PDE4D: variants seen among roughly 807,000 people sequenced by gnomAD.
PDE4D encodes the protein phosphodiesterase 4D.
PDE4D carries 24 observed loss-of-function variants against 87.4 expected under a neutral mutation model. That is an observed-to-expected ratio of 0.27 (90% CI 0.20 to 0.39). The LOEUF is 0.39. PDE4D is among the 10% of genes least tolerant of loss of function. The probability of loss-of-function intolerance (pLI) is 1.00; values close to 1 mark genes in which losing one functional copy is unlikely to be tolerated. For missense variants in PDE4D, 714 were observed against 1,041.0 expected (o/e 0.69, Z 4.32); for synonymous variants, 384 against 383.2 (o/e 1.00, Z -0.02).
At chr5:59,901,992 G>A (rs1581668111) in intron 3 of PDE4D, among the ~76,000 whole-genome samples, 3 of 147,058 alleles carry the variant, frequency 2.0e-5, no homozygotes, top group African/African-American at 7.5e-5. Flanking sequence ...ACATGCACCA[G>A]ACTGTTCATA....
chr5:60,381,212 G>A (rs1761833164), intron 1 of PDE4D, among the ~76,000 whole-genome samples: 6 of 152,164 alleles, frequency 3.9e-5, no homozygotes. Context: ...GCTGAGGTAA[G>A]TCATACAGGT....
intron 3 of PDE4D, among the ~76,000 whole-genome samples, chr5:59,971,382 A>ATAAATAAATAAATAAAT (rs56736794): frequency 6.6e-6 from 1 of 150,514 alleles, no homozygotes; most frequent in Admixed American, 6.6e-5. Context: ...AAATAAATAA[A>ATAAATAAATAAATAAAT]AAAGAGAGAG....
intron 1 of PDE4D, among the ~76,000 whole-genome samples, chr5:59,731,790 T>C (rs1757394075): frequency 6.6e-6 from 1 of 152,304 alleles, no homozygotes; most frequent in South Asian, 2.1e-4. Context: ...TTAAAGTAAA[T>C]ATACACAAAT....
intron 1 of PDE4D, among the ~76,000 whole-genome samples, chr5:59,814,220 G>A (rs1768713605): frequency 6.6e-6 from 1 of 152,050 alleles, no homozygotes; most frequent in Admixed American, 6.5e-5. Context: ...AAGCTTTATT[G>A]GGACACAACC....
At chr5:60,112,981 CA>C (rs1314356137) in intron 2 of PDE4D, among the ~76,000 whole-genome samples, 3 of 152,020 alleles carry the variant, frequency 2.0e-5, no homozygotes, top group African/African-American at 7.2e-5. Context: ...GTTGGGCATC[CA>C]ATCCAGGGAG....
At chr5:60,244,139 T>C (rs1054923859) in intron 1 of PDE4D, among the ~76,000 whole-genome samples, 1 of 151,946 alleles carries the variant, frequency 6.6e-6, no homozygotes, top group Admixed American at 6.6e-5. Flanking sequence ...GAAAAATTAG[T>C]AGCATTTCTA....
At chr5:59,001,993 C>T in intron 6 of PDE4D, 1 of 505,140 alleles carries the variant, frequency 2.0e-6, no homozygotes, top group Non-Finnish European at 3.9e-6. Flanking sequence ...ATCACCTTCC[C>T]TCCTTCATTC....
At chr5:60,515,572 T>C (rs1426515225) in intron 1 of PDE4D, among the ~76,000 whole-genome samples, 1 of 151,296 alleles carries the variant, frequency 6.6e-6, no homozygotes, top group Non-Finnish European at 1.5e-5. Flanking sequence ...TGTTAGTTCT[T>C]GATCTGAGCT....
At chr5:58,988,625 A>G (rs1561244557) in intron 10 of PDE4D, 33 bp from the exon 11 acceptor site, 4 of 925,830 alleles carry the variant, frequency 4.3e-6, no homozygotes, top group African/African-American at 1.7e-5. Context: ...TAATATTACT[A>G]TTCTACAATG....
rs1445055286 is a variant in PDE4D, at chr5:58,999,691, G to C, written c.922-6226C>G. The C allele has an allele frequency of 1.0e-5, 11 of 1,092,380 alleles. No individual in the cohort carries two copies. In the South Asian group the frequency reaches 2.6e-4, roughly 26 times the overall value. The allele number at this position is 1,092,380 out of a possible 1,614,324, so 67.7% of individuals were successfully genotyped here. Reference sequence around the variant, plus strand: ...TTGGTAATTAAGTATACATAAGAAAGCCTCGCATTAAATCCCATCCAGCCG... The same window carrying C: ...TTGGTAATTAAGTATACATAAGAAACCCTCGCATTAAATCCCATCCAGCCG... On this transcript the variant is annotated intron_variant, in intron 6 of 14. Transcript: ENST00000340635.
chr5:59,928,794 A>C (rs1268541415), intron 3 of PDE4D, among the ~76,000 whole-genome samples: 5 of 150,464 alleles, frequency 3.3e-5, no homozygotes, highest in African/African-American at 1.2e-4. Flanking sequence ...TGACAGCCCC[A>C]AAGTTCCAGA....
At chr5:59,195,778 A>G (rs182354670) in intron 2 of PDE4D, among the ~76,000 whole-genome samples, 232 of 152,358 alleles carry the variant, frequency 1.5e-3, no homozygotes, top group African/African-American at 5.4e-3. Flanking sequence ...ACCACACAGT[A>G]AATGTTCAAT....
intron 1 of PDE4D, among the ~76,000 whole-genome samples, chr5:59,866,879 A>C (rs1747112950): frequency 6.6e-6 from 1 of 152,230 alleles, no homozygotes; most frequent in Non-Finnish European, 1.5e-5. Flanking sequence ...ATGAAGTTTT[A>C]GGATGATTTG....
intron 1 of PDE4D, among the ~76,000 whole-genome samples, chr5:59,377,432 A>ATAT (rs751450449): frequency 6.7e-6 from 1 of 150,018 alleles, no homozygotes; most frequent in African/African-American, 2.5e-5. Flanking sequence ...AAAAAAAAAA[A>ATAT]ATATGTCATG....
At chr5:60,424,562 C>G (rs191887408) in intron 1 of PDE4D, among the ~76,000 whole-genome samples, 3,234 of 152,106 alleles carry the variant, frequency 0.021, 111 homozygotes, top group African/African-American at 0.073. Context: ...TTTGACAAAC[C>G]CACAGCCAAT....
At chr5:59,123,866 C>G (rs1774974513) in intron 5 of PDE4D, among the ~76,000 whole-genome samples, 1 of 152,152 alleles carries the variant, frequency 6.6e-6, no homozygotes, top group Non-Finnish European at 1.5e-5. Flanking sequence ...GGCTCTAACA[C>G]TTCTAAGCTA....
chr5:60,301,276 T>C (rs951152131), intron 1 of PDE4D, among the ~76,000 whole-genome samples: 34 of 152,218 alleles, frequency 2.2e-4, no homozygotes, highest in African/African-American at 6.8e-4. Context: ...TTAATGGGAA[T>C]AGCATGAATA....
At chr5:60,090,376 A>T (rs180731290) in intron 2 of PDE4D, among the ~76,000 whole-genome samples, 69 of 152,326 alleles carry the variant, frequency 4.5e-4, no homozygotes, top group African/African-American at 1.6e-3. Context: ...AATTCAACAT[A>T]TGTAAATCAA....
intron 2 of PDE4D, among the ~76,000 whole-genome samples, chr5:59,995,761 C>G (rs1442491074): frequency 6.6e-6 from 1 of 152,192 alleles, no homozygotes; most frequent in Non-Finnish European, 1.5e-5. Flanking sequence ...TGTGTGACTA[C>G]TCACTCTGTT....
Sources: gnomAD v4.1 joint callset for allele counts (sites outside exome capture counted in the v4.1 genomes callset) on GRCh38, gnomAD v4.1.1 for gene constraint, MANE v1.5 for transcripts, NCBI Gene and HGNC (gene_info 2026-07-23, HGNC 2026-07-21) for gene names.